KL: variants seen among roughly 807,000 people sequenced by gnomAD.
The protein encoded by KL is alpha-klotho.
KL carries 62 observed loss-of-function variants against 84.2 expected under a neutral mutation model. The ratio of observed to expected loss-of-function variants is 0.74; its 90% CI spans 0.60 to 0.91. The LOEUF is 0.91. KL is among the 40% of genes least tolerant of loss of function. The pLI is 0.00. For synonymous variants in KL, 528 were observed against 528.0 expected (o/e 1.00, Z 0.00); for missense variants, 1,261 against 1,305.7 (o/e 0.97, Z 0.53).
At chr13:33,029,149 A>T (rs1870881187) in intron 1 of KL, among the ~76,000 whole-genome samples, 1 of 152,228 alleles carries the variant, frequency 6.6e-6, no homozygotes, top group African/African-American at 2.4e-5. Flanking sequence ...TTAAATATTA[A>T]TTTTGCTAGT....
chr13:33,019,244 T>G (rs565482006), intron 1 of KL, among the ~76,000 whole-genome samples: 6 of 152,282 alleles, frequency 3.9e-5, no homozygotes, highest in African/African-American at 1.4e-4. Context: ...TATCTTGAAT[T>G]AATTTTGTTG....
At chr13:33,043,021 T>C (rs560955987) in intron 1 of KL, among the ~76,000 whole-genome samples, 1 of 152,312 alleles carries the variant, frequency 6.6e-6, no homozygotes, top group East Asian at 1.9e-4. Context: ...TTTATCTTAA[T>C]ATTGTACAAG....
Position 33,017,094 on chromosome 13 carries a change from T to G in KL, c.654T>G (p.Asp218Glu). The G allele has an allele frequency of 6.2e-7, 1 of 1,605,606 alleles. No homozygotes were observed. The highest frequency in any genetic ancestry group is 1.3e-5 in the African/African-American group (1 of 75,038). ...GCGCCCTGGCCGACCACTTCAGGGA[T>G]TACGCGGAGCTCTGCTTCCGCCACT... ...ANRALADHFRDYAELCFRHFG... is the reference protein window; with the variant it reads ...ANRALADHFREYAELCFRHFG... Residue 218 changes from aspartate to glutamate, a missense_variant, in exon 1 of 5, where the codon GAT (aspartate) becomes GAG (glutamate). Physicochemically the swap from Asp to Glu is conservative, Grantham distance 45. Coordinates refer to ENST00000380099, the MANE Select transcript of KL (RefSeq NM_004795.4).
chr13:33,049,069 A>T (rs762992742), intron 1 of KL, among the ~76,000 whole-genome samples: 34 of 152,234 alleles, frequency 2.2e-4, no homozygotes, highest in Middle Eastern at 6.8e-3. Context: ...CACATACGAG[A>T]GAGACTTATA....
At position 33,048,005 on chromosome 13, in the gene KL, C is replaced by CAT. The variant is rs547609905; in HGVS notation, c.820-5761_820-5760dup. Among the ~76,000 whole-genome samples the CAT allele has an allele frequency of 4.1e-3, 620 of 152,106 alleles. 6 individuals are homozygous for CAT. Among genetic ancestry groups the CAT allele is most frequent in the African/African-American group, 0.014 (596 of 41,500 alleles). On this transcript the variant is annotated intron_variant, in intron 1 of 4. Transcript: ENST00000380099. ...TTGTTGTTTCTCTGTTGTTATTCTC[C>CAT]ATTTGTTCATTATATCTATCTTTTC...
intron 1 of KL, among the ~76,000 whole-genome samples, chr13:33,039,808 A>T (rs1367975771): frequency 6.6e-6 from 1 of 152,198 alleles, no homozygotes; most frequent in East Asian, 1.9e-4. Context: ...GATGAGGAGT[A>T]ATGAGAAACT....
intron 1 of KL, among the ~76,000 whole-genome samples, chr13:33,020,210 G>T (rs1870524827): frequency 6.6e-6 from 1 of 152,140 alleles, no homozygotes; most frequent in South Asian, 2.1e-4. Context: ...CAGTGTGCAG[G>T]TCTCAGCCCA....
rs1872308912 is a variant in KL, at chr13:33,063,930, A to G, written c.2783A>G (p.Tyr928Cys). 1.2e-6 allele frequency: 2 copies of G among 1,613,988 alleles called. No individual in the cohort carries two copies. Among genetic ancestry groups the G allele is most frequent in the Non-Finnish European group, 1.7e-6 (2 of 1,180,034 alleles). The change falls in exon 5 of 5, where the codon TAT becomes TGT. Residue 928 changes from tyrosine (Y) to cysteine (C), a missense_variant. Transcript: ENST00000380099. ...CGCACAGCTCCGAGGTTTGGCCTCTATCGTTATGCTGCAGATCAGTTTGAG... is the reference window on the plus strand; with the variant it reads ...CGCACAGCTCCGAGGTTTGGCCTCTGTCGTTATGCTGCAGATCAGTTTGAG... ...NDRTAPRFGL[Y>C]RYAADQFEPK...
chr13:33,037,158 T>C (rs1871168550), intron 1 of KL, among the ~76,000 whole-genome samples: 2 of 152,202 alleles, frequency 1.3e-5, no homozygotes, highest in South Asian at 4.1e-4. Context: ...CTATCAGTGT[T>C]AGTATGTAGT....
chr13:33,017,923 A>G (rs79547160), intron 1 of KL, among the ~76,000 whole-genome samples: 3,037 of 152,332 alleles, frequency 0.02, 112 homozygotes, highest in African/African-American at 0.069. Context: ...AGATTGTTCT[A>G]CCACATCTAT....
intron 3 of KL, among the ~76,000 whole-genome samples, chr13:33,057,838 G>A (rs992708588): frequency 6.6e-6 from 1 of 152,176 alleles, no homozygotes; most frequent in Admixed American, 6.5e-5. Context: ...CAGTTCTGAG[G>A]TGTGTGTGTT....
chr13:33,020,465 C>T (rs1015550098), intron 1 of KL, among the ~76,000 whole-genome samples: 1 of 152,126 alleles, frequency 6.6e-6, no homozygotes, highest in African/African-American at 2.4e-5. Flanking sequence ...TTTTGAGTCT[C>T]CACCCAGGTT....
chr13:33,016,672 G>A lies in KL; in HGVS notation c.232G>A (p.Gly78Ser), dbSNP rs1444579431. The A allele has an allele frequency of 6.3e-7, 1 of 1,595,258 alleles. No homozygotes were observed. Among genetic ancestry groups the A allele is most frequent in the Admixed American group, 1.7e-5 (1 of 58,080 alleles). Residue 78 changes from glycine (G) to serine (S), a missense_variant, in exon 1 of 5, where the codon GGC becomes AGC. Physicochemically the swap from Gly to Ser is moderately conservative, Grantham distance 56 (BLOSUM62 0). Coordinates refer to ENST00000380099, the MANE Select transcript of KL (RefSeq NM_004795.4). ...AVGSAAYQTE[G>S]GWQQHGKGAS... ...GGGCAGCGCCGCCTACCAGACCGAG[G>A]GCGGCTGGCAGCAGCACGGCAAGGG... is the stretch of plus-strand genomic sequence containing the variant.
Position 33,059,073 on chromosome 13 carries a change from G to A in KL, c.1600-1606G>A, listed in dbSNP as rs572545590. On this transcript the variant is annotated intron_variant, in intron 3 of 4. Transcript: ENST00000380099. ...ATAGCAGTGCATTTGCAACAGGCCC[G>A]TAAAATGCAACAAAACCTCTGCTAT... Among the ~76,000 whole-genome samples the A allele has an allele frequency of 6.6e-4, 101 of 152,252 alleles. 1 individual carries two copies. The Middle Eastern group carries it at 0.014, about 21-fold the overall frequency.
intron 4 of KL, among the ~76,000 whole-genome samples, chr13:33,063,278 C>T (rs551081328): frequency 2.6e-5 from 4 of 151,574 alleles, no homozygotes; most frequent in South Asian, 2.1e-4. Context: ...CATACACACA[C>T]GAAAAGCAAG....
At position 33,061,085 on chromosome 13, in the gene KL, A is replaced by C; in HGVS notation, c.2006A>C (p.Tyr669Ser). ...TACACTGCCCTGGCCTTTGCAGAGT[A>C]TGCCCGACTGTGCTTTCAAGAGCTC... ...NPYTALAFAE[Y>S]ARLCFQELGH... Residue 669 changes from tyrosine to serine, a missense_variant, in exon 4 of 5, where the codon TAT becomes TCT. Tyr to Ser is a moderately radical substitution (Grantham distance 144). Transcript: ENST00000380099. The C allele has an allele frequency of 6.2e-7, 1 of 1,613,724 alleles. No individual in the cohort carries two copies. The highest frequency in any genetic ancestry group is 1.1e-5 in the South Asian group (1 of 91,000).
At position 33,064,995 on chromosome 13, in the gene KL, C is replaced by T. The variant is rs913222164; in HGVS notation, c.*809C>T. 8.8e-6 allele frequency: 2 copies of T among 227,452 alleles called. No individual in the cohort carries two copies. The highest frequency in any genetic ancestry group is 5.7e-5 in the Admixed American group (1 of 17,554). 14.1% of individuals were successfully genotyped at this position (227,452 alleles called of 1,614,324 possible). A position where few individuals can be genotyped will look rare whatever the true frequency, so the allele number is the denominator to read the frequency against. Reference sequence around the variant, plus strand: ...AAAGCAATTGTGAAATACAGTATACCGCAGTGGCTCTAGGTGGAGGAAAGG... The same window carrying T: ...AAAGCAATTGTGAAATACAGTATACTGCAGTGGCTCTAGGTGGAGGAAAGG... On this transcript the variant is annotated 3_prime_UTR_variant, in exon 5 of 5. Transcript: ENST00000380099.
intron 1 of KL, among the ~76,000 whole-genome samples, chr13:33,025,237 G>A (rs890654575): frequency 6.6e-6 from 1 of 152,202 alleles, no homozygotes; most frequent in Admixed American, 6.5e-5. Context: ...AGCAGTCAGG[G>A]AAAGCAATAC....
At chr13:33,061,919 C>T (rs1461199559) in intron 4 of KL, 139 bp downstream of exon 4, 67 of 848,990 alleles carry the variant, frequency 7.9e-5, no homozygotes, top group Non-Finnish European at 1.3e-4. Flanking sequence ...TGAAACAGTC[C>T]AAGAGATATC....
Sources: allele counts gnomAD v4.1 joint callset (sites outside exome capture counted in the v4.1 genomes callset), GRCh38; gene constraint gnomAD v4.1.1; transcripts MANE v1.5; gene names NCBI Gene and HGNC (gene_info 2026-07-23, HGNC 2026-07-21).